The following DSC3 variants were observed in gnomAD, a reference collection of about 807,000 sequenced individuals.
The protein encoded by DSC3 is desmocollin-3.
DSC3 carries 97 observed loss-of-function variants against 89.5 expected under a neutral mutation model. The observed-to-expected ratio is 1.08, with a 90% confidence interval of 0.92 to 1.28. The LOEUF (loss-of-function observed/expected upper bound fraction) is 1.28. Among genes scored for constraint, DSC3 ranks in the 50% most tolerant of loss-of-function variants. The probability of loss-of-function intolerance (pLI) is 0.00; values close to 1 mark genes in which losing one functional copy is unlikely to be tolerated. For missense variants in DSC3, 1,199 were observed against 1,085.3 expected, an observed-to-expected ratio of 1.10 and a Z score of -1.47; for synonymous variants, 436 against 384.1, an observed-to-expected ratio of 1.14 and a Z score of -1.58.
At chr18:31,014,283 A>G (rs1467956807) in intron 9 of DSC3, among the ~76,000 whole-genome samples, 2 of 152,070 alleles carry the variant, frequency 1.3e-5, no homozygotes. Context: ...TGTTAATTGA[A>G]GTAAAATGTA....
At chr18:31,005,458 C>T (rs1258625416) in intron 12 of DSC3, among the ~76,000 whole-genome samples, 1 of 152,180 alleles carries the variant, frequency 6.6e-6, no homozygotes, top group Non-Finnish European at 1.5e-5. Context: ...TGCATAATTG[C>T]TGTTGCCTAC....
At chr18:31,006,434 G>A (rs1984844238) in intron 12 of DSC3, among the ~76,000 whole-genome samples, 1 of 151,998 alleles carries the variant, frequency 6.6e-6, no homozygotes, top group Admixed American at 6.6e-5. Flanking sequence ...CCAGTAGCTT[G>A]GATTACAGGT....
In DSC3 at chr18:31,018,148, A is replaced by T; in HGVS notation, c.1186T>A (p.Leu396Ile). 1.2e-6 allele frequency: 2 copies of T among 1,612,554 alleles called. No individual in the cohort carries two copies. The highest frequency in any genetic ancestry group is 1.7e-6 in the Non-Finnish European group (2 of 1,179,258). ...AAATGTCCATTTTCATTTCCCTTTA[A>T]AATGGTAAAATTGACTCTCCAATTG... ...TANWRVNFTI[L>I]KGNENGHFKI... The change falls in exon 9 of 16, where the codon TTA becomes ATA. Residue 396 changes from leucine to isoleucine, a missense_variant. By Grantham distance (5) the Leu-to-Ile change is conservative. Transcript: ENST00000360428.
intron 7 of DSC3, 116 bp from the exon 8 acceptor site, chr18:31,018,916 T>G: frequency 2.0e-6 from 2 of 983,086 alleles, no homozygotes; most frequent in Non-Finnish European, 3.1e-6. Flanking sequence ...GTTTCCGTGC[T>G]TTTACCTGAT....
At chr18:31,015,950 A>G (rs1024623514) in intron 9 of DSC3, among the ~76,000 whole-genome samples, 1 of 152,118 alleles carries the variant, frequency 6.6e-6, no homozygotes, top group Non-Finnish European at 1.5e-5. Context: ...AATCAGTTAA[A>G]CCAAGAAGAT....
rs1196444633 is a variant in DSC3, at chr18:30,995,971, T to TAA, written c.2493+818_2493+819dup. On this transcript the variant is annotated intron_variant, in intron 15 of 15. Transcript: ENST00000360428. The stretch of plus-strand genomic sequence containing the variant: ...TCAGCGACAGAGCAAGACCCTGCCT[T>TAA]AAAAAAAAAAAAAAAAAAAAAAAAA... Among the ~76,000 whole-genome samples, 41 of 37,016 alleles carry TAA rather than the reference T, an allele frequency of 1.1e-3. 1 individual carries two copies. The highest frequency in any genetic ancestry group is 3.3e-3 in the African/African-American group (25 of 7,560). The allele number at this position is 37,016 out of a possible 152,430, so 24.3% of individuals were successfully genotyped here. A position where few individuals can be genotyped will look rare whatever the true frequency, so the allele number is the denominator to read the frequency against.
At chr18:31,032,402 C>T in intron 1 of DSC3, 126 bp from the exon 2 acceptor site, 1 of 732,480 alleles carries the variant, frequency 1.4e-6, no homozygotes. Flanking sequence ...CCCCAGCAAA[C>T]TAGGAATAGA....
rs765998604 is a variant in DSC3, at chr18:31,031,150, C to T, written c.177G>A (p.Arg59=). 1 of 1,612,018 alleles carries T rather than the reference C, an allele frequency of 6.2e-7. No homozygotes were observed. Among genetic ancestry groups the T allele is most frequent in the Non-Finnish European group, 8.5e-7 (1 of 1,179,278 alleles). The change falls in exon 3 of 16, where the codon AGG becomes AGA. Residue 59 remains arginine (R), a synonymous_variant. Coordinates refer to ENST00000360428, the MANE Select transcript of DSC3 (RefSeq NM_001941.5). The part of the protein sequence containing the change: ...IGRVNLEECF[R]SADLIRSSDP... Reference sequence around the variant, plus strand: ...CACTTGACCGGATGAGGTCTGCAGACCTGAAGCACTCTTCCAAATTAACTG... The same window carrying T: ...CACTTGACCGGATGAGGTCTGCAGATCTGAAGCACTCTTCCAAATTAACTG...
At chr18:31,000,206 G>A (rs1255758087) in intron 14 of DSC3, among the ~76,000 whole-genome samples, 2 of 152,022 alleles carry the variant, frequency 1.3e-5, no homozygotes, top group African/African-American at 4.8e-5. Flanking sequence ...ATATGTAGTC[G>A]TTGTCCCTGG....
chr18:30,998,290 G>A (rs577984414), intron 14 of DSC3, among the ~76,000 whole-genome samples: 36 of 152,220 alleles, frequency 2.4e-4, no homozygotes, highest in Non-Finnish European at 4.1e-4. Context: ...TATCTAGATG[G>A]ATGAGGCAAT....
intron 9 of DSC3, among the ~76,000 whole-genome samples, chr18:31,009,388 A>G (rs145021509): frequency 1.3e-5 from 2 of 152,176 alleles, no homozygotes; most frequent in East Asian, 3.9e-4. Flanking sequence ...TAAGGCATCT[A>G]ACTGAGCCAT....
rs150281676 is a variant in DSC3 at position 31,024,456 on chromosome 18, G to A, written c.668C>T (p.Ala223Val). 4.0e-5 allele frequency: 64 copies of A among 1,612,700 alleles called. No individual in the cohort carries two copies. The African/African-American group carries it at 7.7e-4, about 19-fold the overall frequency. ...GATGGGTAGTGGGAGGGGCAGATCT[G>A]CTGAATATCCATCTGCAGTTGACGC... ...AYASTADGYS[A>V]DLPLPLPIRV... Residue 223 changes from alanine (A) to valine (V), a missense_variant, in exon 6 of 16, where the codon GCA becomes GTA. Transcript: ENST00000360428.
In DSC3 at chr18:31,004,352, G is replaced by C; in HGVS notation, c.1903C>G (p.Leu635Val). 2 of 1,613,626 alleles carry C rather than the reference G, an allele frequency of 1.2e-6. No homozygotes were observed. The highest frequency in any genetic ancestry group is 4.5e-5 in the East Asian group (2 of 44,864). Residue 635 changes from leucine (L) to valine (V), a missense_variant, in exon 13 of 16, where the codon CTT becomes GTT. Physicochemically the swap from Leu to Val is conservative, Grantham distance 32. Transcript: ENST00000360428. ...AATCCAGCATTTTTCTGATATGAAAGACGGGCAGCTGTATCTGAAAGAAAA... is the reference window on the plus strand; with the variant it reads ...AATCCAGCATTTTTCTGATATGAAACACGGGCAGCTGTATCTGAAAGAAAA... ...LTKVNDTAAR[L>V]SYQKNAGFQE...
At chr18:31,004,506 C>T (rs1163078686) in intron 12 of DSC3, 140 bp from the exon 13 acceptor site, 22 of 732,810 alleles carry the variant, frequency 3.0e-5, no homozygotes, top group Non-Finnish European at 4.7e-5. Context: ...GGAGGACTGT[C>T]TTCAACCCTT....
chr18:30,998,480 C>A (rs529361616), intron 14 of DSC3, among the ~76,000 whole-genome samples: 1 of 151,928 alleles, frequency 6.6e-6, no homozygotes, highest in African/African-American at 2.4e-5. Flanking sequence ...TATGAATATG[C>A]GGATTTGGAA....
At chr18:30,997,780 AG>A (rs1984526617) in intron 14 of DSC3, among the ~76,000 whole-genome samples, 1 of 152,154 alleles carries the variant, frequency 6.6e-6, no homozygotes, top group Non-Finnish European at 1.5e-5. Flanking sequence ...AAATCCAAAC[AG>A]GGTAGGTGGA....
chr18:30,995,846 C>A (rs1032239068), intron 15 of DSC3, among the ~76,000 whole-genome samples: 4 of 151,496 alleles, frequency 2.6e-5, no homozygotes, highest in Non-Finnish European at 4.4e-5. Flanking sequence ...GTGGTGTATA[C>A]CTGTAGTCCA....
Position 31,001,694 on chromosome 18 carries a change from C to T in DSC3, c.2159G>A (p.Gly720Glu). 1 of 1,609,878 alleles carries T rather than the reference C, an allele frequency of 6.2e-7. No homozygotes were observed. Among genetic ancestry groups the T allele is most frequent in the Non-Finnish European group, 8.5e-7 (1 of 1,177,996 alleles). The change falls in exon 14 of 16, where the codon GGG (glycine) becomes GAG (glutamate). Residue 720 changes from glycine to glutamate, a missense_variant. Physicochemically the swap from Gly to Glu is moderately conservative, Grantham distance 98 (BLOSUM62 -2). Coordinates refer to ENST00000360428, the MANE Select transcript of DSC3 (RefSeq NM_001941.5). ...LVCGVFGATKGKRFPEDLAQQ... is the reference protein window; with the variant it reads ...LVCGVFGATKEKRFPEDLAQQ... ...TGCTAAATCTTCAGGAAAACGTTTC[C>T]CTTTAGTTGCACCAAAAACTCCACA...
At chr18:31,016,614 A>C (rs1309843845) in intron 9 of DSC3, among the ~76,000 whole-genome samples, 3 of 152,108 alleles carry the variant, frequency 2.0e-5, no homozygotes, top group African/African-American at 7.2e-5. Flanking sequence ...CAAGACTCAA[A>C]GATTTGGCTC....
Sources: allele counts gnomAD v4.1 joint callset (sites outside exome capture counted in the v4.1 genomes callset), GRCh38; gene constraint gnomAD v4.1.1; transcripts MANE v1.5; gene names NCBI Gene and HGNC (gene_info 2026-07-23, HGNC 2026-07-21).